URB1: variants seen among roughly 807,000 people sequenced by gnomAD.
URB1 encodes the protein URB1 ribosome biogenesis factor, also known as nucleolar pre-ribosomal-associated protein 1.
A neutral mutation model predicts 242.3 loss-of-function variants in URB1; 197 were observed. The observed-to-expected ratio is 0.81, with a 90% CI of 0.72 to 0.91. URB1 has a LOEUF of 0.91. URB1 is among the 40% of genes least tolerant of loss of function. URB1 has a pLI of 0.00. For synonymous variants in URB1, 1,153 were observed against 1,201.8 expected (o/e 0.96, Z 0.84); for missense variants, 2,721 against 2,860.5 (o/e 0.95, Z 1.11).
intron 24 of URB1, 37 bp downstream of exon 24, chr21:32,344,533 A>T: frequency 6.5e-7 from 1 of 1,544,816 alleles, no homozygotes; most frequent in Non-Finnish European, 8.7e-7. Context: ...TCTTTCCCAC[A>T]GAAATTTAAT....
At chr21:32,355,598 G>C in intron 15 of URB1, 33 bp from the exon 16 acceptor site, 1 of 1,503,584 alleles carries the variant, frequency 6.7e-7, no homozygotes, top group Non-Finnish European at 9.1e-7. Context: ...GAAAAAGTCA[G>C]AACAGAACGC....
Position 32,346,977 on chromosome 21 carries a change from G to T in URB1, c.3847C>A (p.His1283Asn). The change falls in exon 22 of 39, where the codon CAC becomes AAC. Residue 1283 changes from histidine to asparagine, a missense_variant. His to Asn is a moderately conservative substitution (Grantham distance 68, BLOSUM62 1). Coordinates refer to ENST00000382751, the MANE Select transcript of URB1 (RefSeq NM_014825.3). ...TTACCTCCTGCTGGGCGTGTGAAGT[G>T]GCTCCGTGTCCTGCACTGGAGGTAC... The part of the protein sequence containing the change: ...HVYLQCRTRS[H>N]FTRPAGVSSA... 6.6e-7 allele frequency: 1 copy of T among 1,521,680 alleles called. No individual in the cohort carries two copies. The highest frequency in any genetic ancestry group is 2.5e-5 in the East Asian group (1 of 40,244). 94.3% of individuals were successfully genotyped at this position (1,521,680 alleles called of 1,614,324 possible).
At chr21:32,387,754 G>A (rs1286162501) in intron 1 of URB1, among the ~76,000 whole-genome samples, 3 of 152,298 alleles carry the variant, frequency 2.0e-5, no homozygotes, top group East Asian at 3.9e-4. Context: ...GTCTGCTTTA[G>A]GGAGTGTCTG....
Position 32,373,744 on chromosome 21 carries a change from GT to G in URB1, c.778del (p.Thr260ProfsTer12). 1.3e-6 allele frequency: 2 copies of G among 1,544,332 alleles called. No individual in the cohort carries two copies. The highest frequency in any genetic ancestry group is 2.0e-5 in the Admixed American group (1 of 49,238). On this transcript the variant is annotated frameshift_variant, in exon 7 of 39. Coordinates refer to ENST00000382751, the MANE Select transcript of URB1 (RefSeq NM_014825.3). LOFTEE classifies it high-confidence loss of function. ...CCCCGTAAAGAAACGCACCTTCTGG[GT>G]TTTTGTGATATTTTTATTGTGAACT... is the stretch of plus-strand genomic sequence containing the variant. ...KVVHNKNITK[T>X]QKVRFFTGQL...
At chr21:32,352,470 T>G (rs138819902) in intron 19 of URB1, among the ~76,000 whole-genome samples, 1 of 152,160 alleles carries the variant, frequency 6.6e-6, no homozygotes, top group Admixed American at 6.5e-5. Flanking sequence ...CTATTATCAT[T>G]ATCAGGGAGC....
rs758188685 is a variant in URB1 at position 32,338,737 on chromosome 21, C to T, written c.4480G>A (p.Gly1494Arg). The change falls in exon 26 of 39, where the codon GGA (glycine) becomes AGA (arginine). Residue 1494 changes from glycine to arginine, a missense_variant. By Grantham distance (125) the Gly-to-Arg change is moderately radical. Transcript: ENST00000382751. ...LFLPTLLTSD[G>R]EESPDSQVKE... ...ACTTGGCTGTCCGGGCTCTCCTCTC[C>T]GTCAGACGTCAGTAGAGTCGGCAGA... is the stretch of plus-strand genomic sequence containing the variant. The T allele has an allele frequency of 2.6e-5, 40 of 1,551,404 alleles. No individual in the cohort carries two copies. Among genetic ancestry groups the T allele is most frequent in the South Asian group, 1.8e-4 (15 of 84,040 alleles).
chr21:32,351,513 C>T (rs1377330358), intron 19 of URB1, among the ~76,000 whole-genome samples: 4 of 152,178 alleles, frequency 2.6e-5, no homozygotes. Flanking sequence ...TAATAAAACC[C>T]AAGGCTGTAA....
Position 32,325,257 on chromosome 21 carries a change from T to C in URB1, c.5093A>G (p.Glu1698Gly). 2 of 1,551,646 alleles carry C rather than the reference T, an allele frequency of 1.3e-6. No homozygotes were observed. The highest frequency in any genetic ancestry group is 2.7e-5 in the African/African-American group (2 of 73,158). ...HVLAAYYSHLEGARFQEQSQL... is the reference protein window; with the variant it reads ...HVLAAYYSHLGGARFQEQSQL... Reference sequence around the variant, plus strand: ...GGACTGCTCTTGGAACCGTGCGCCCTCCAAGTGCGAGTAGTAGGCCGCCAG... The same window carrying C: ...GGACTGCTCTTGGAACCGTGCGCCCCCCAAGTGCGAGTAGTAGGCCGCCAG... The change falls in exon 31 of 39, where the codon GAG becomes GGG. Residue 1698 changes from glutamate (E) to glycine (G), a missense_variant. Coordinates refer to ENST00000382751, the MANE Select transcript of URB1 (RefSeq NM_014825.3).
chr21:32,350,854 C>T lies in URB1; in HGVS notation c.2682G>A (p.Leu894=). ...LPLASSFTAL[L]QAAYESQALR... ...GCGCTTGGCTCTCGTAGGCTGCCTG[C>T]AGCAGGGCTGTGAAGGACGAGGCCA... Residue 894 remains leucine, a synonymous_variant, in exon 20 of 39, where the codon CTG becomes CTA. Coordinates refer to ENST00000382751, the MANE Select transcript of URB1 (RefSeq NM_014825.3). The T allele has an allele frequency of 1.3e-6, 2 of 1,551,066 alleles. No homozygotes were observed. Among genetic ancestry groups the T allele is most frequent in the Non-Finnish European group, 1.7e-6 (2 of 1,147,004 alleles).
chr21:32,314,511 C>T lies in URB1; in HGVS notation c.*407G>A, dbSNP rs778506666. ...AAAATAAACTTTAAACATCTCTCTTCGTTTTCATAAAAAAAATCTGATACC... is the reference window on the plus strand; with the variant it reads ...AAAATAAACTTTAAACATCTCTCTTTGTTTTCATAAAAAAAATCTGATACC... On this transcript the variant is annotated 3_prime_UTR_variant, in exon 39 of 39. Coordinates refer to ENST00000382751, the MANE Select transcript of URB1 (RefSeq NM_014825.3). 38 of 1,572,878 alleles carry T rather than the reference C, an allele frequency of 2.4e-5. No homozygotes were observed. Among genetic ancestry groups the T allele is most frequent in the African/African-American group, 1.5e-4 (11 of 74,078 alleles).
intron 25 of URB1, among the ~76,000 whole-genome samples, chr21:32,340,848 C>A (rs1001778289): frequency 2.6e-5 from 4 of 152,066 alleles, no homozygotes; most frequent in African/African-American, 9.7e-5. Flanking sequence ...ACAGCCTAGA[C>A]ATTTGTCAGT....
intron 19 of URB1, 140 bp from the exon 20 acceptor site, chr21:32,351,062 G>T: frequency 1.1e-6 from 1 of 894,000 alleles, no homozygotes; most frequent in Non-Finnish European, 1.7e-6. Flanking sequence ...ATACGGGACC[G>T]TGTGGCATTT....
rs2033027579 is a variant in URB1 at position 32,341,408 on chromosome 21, A to C, written c.4316+58T>G. 5.3e-6 allele frequency: 8 copies of C among 1,504,190 alleles called. No homozygotes were observed. In the South Asian group the frequency reaches 7.2e-5, roughly 14 times the overall value. 93.2% of individuals were successfully genotyped at this position (1,504,190 alleles called of 1,614,324 possible). On this transcript the variant is annotated intron_variant, in intron 25 of 38. Coordinates refer to ENST00000382751, the MANE Select transcript of URB1 (RefSeq NM_014825.3). ...TAACAAGCTATAAAAGAGGCTTTGC[A>C]TGCTGAACGACATTCACACCTTTAC...
chr21:32,339,271 G>A (rs2033000263), intron 25 of URB1, among the ~76,000 whole-genome samples: 2 of 152,200 alleles, frequency 1.3e-5, no homozygotes, highest in Admixed American at 6.5e-5. Flanking sequence ...AGGGATTACA[G>A]GCATGAGCCA....
intron 32 of URB1, among the ~76,000 whole-genome samples, chr21:32,323,801 T>A (rs1042263101): frequency 3.9e-5 from 6 of 152,100 alleles, no homozygotes; most frequent in African/African-American, 1.4e-4. Flanking sequence ...AATGAAACTC[T>A]GTCTCTACAA....
intron 31 of URB1, 136 bp from the exon 32 acceptor site, chr21:32,324,738 C>T (rs748491599): frequency 3.1e-6 from 2 of 642,304 alleles, no homozygotes; most frequent in Non-Finnish European, 5.5e-6. Flanking sequence ...GAAGACGAAG[C>T]TCACAGGAGC....
chr21:32,373,565 C>A (rs2033427828), intron 7 of URB1, 82 bp downstream of exon 7: 2 of 1,405,644 alleles, frequency 1.4e-6, no homozygotes, highest in Non-Finnish European at 1.9e-6. Flanking sequence ...AAGTCTGGTG[C>A]GGTGTTGAGA....
At chr21:32,353,279 G>A (rs974672010) in intron 18 of URB1, among the ~76,000 whole-genome samples, 1 of 152,112 alleles carries the variant, frequency 6.6e-6, no homozygotes, top group African/African-American at 2.4e-5. Context: ...GTCACTTCCA[G>A]GCCATAACAC....
At chr21:32,315,245 C>A in intron 38 of URB1, 146 bp from the exon 39 acceptor site, 2 of 560,374 alleles carry the variant, frequency 3.6e-6, no homozygotes, top group Non-Finnish European at 5.6e-6. Context: ...CACACCGATA[C>A]AACAACTCAC....
Sources: allele counts gnomAD v4.1 joint callset (sites outside exome capture counted in the v4.1 genomes callset), GRCh38; gene constraint gnomAD v4.1.1; transcripts MANE v1.5; gene names NCBI Gene and HGNC (gene_info 2026-07-23, HGNC 2026-07-21).